Variants in GPC6 observed in about 807,000 individuals in gnomAD.
GPC6 encodes glypican-6.
Under a neutral mutation model 55.2 loss-of-function variants are expected in GPC6, and 14 were observed. That is an observed-to-expected ratio of 0.25 (90% confidence interval 0.17 to 0.40). The LOEUF (loss-of-function observed/expected upper bound fraction) is 0.40. Ranked by LOEUF, GPC6 falls within the 10% of genes least tolerant of loss-of-function variation. The pLI is 1.00. For synonymous variants in GPC6, 278 were observed against 259.6 expected (o/e 1.07, Z -0.68); for missense variants, 641 against 708.5 (o/e 0.90, Z 1.08).
At chr13:93,506,227 A>G (rs995678045) in intron 1 of GPC6, among the ~76,000 whole-genome samples, 3 of 152,180 alleles carry the variant, frequency 2.0e-5, no homozygotes, top group Non-Finnish European at 4.4e-5. Context: ...AAACCCACAG[A>G]ATGTATTCTA....
intron 1 of GPC6, among the ~76,000 whole-genome samples, chr13:93,537,784 A>T (rs1169940224): frequency 6.6e-6 from 1 of 152,136 alleles, no homozygotes; most frequent in Non-Finnish European, 1.5e-5. Context: ...TTGAGTTGTT[A>T]AGCATTTCCT....
intron 2 of GPC6, among the ~76,000 whole-genome samples, chr13:93,749,317 A>G (rs1884501114): frequency 6.6e-6 from 1 of 152,052 alleles, no homozygotes; most frequent in Non-Finnish European, 1.5e-5. Flanking sequence ...TTATAATTCT[A>G]TCTTACACTT....
In GPC6 at chr13:93,459,828, A is replaced by C. The variant is rs140854894; in HGVS notation, c.161-85435A>C. On this transcript the variant is annotated intron_variant, in intron 1 of 8. Transcript: ENST00000377047. The stretch of plus-strand genomic sequence containing the variant: ...AGAATTAGTGCTACTGGATTTTAAT[A>C]AGATATCAACACACTGCATTCTAGG... 3.4e-3 allele frequency among the ~76,000 whole-genome samples: 514 copies of C among 152,330 alleles called. 2 individuals are homozygous for C. Among genetic ancestry groups the C allele is most frequent in the Non-Finnish European group, 5.7e-3 (391 of 68,030 alleles).
At chr13:94,202,900 T>C (rs1167955958) in intron 4 of GPC6, among the ~76,000 whole-genome samples, 1 of 152,012 alleles carries the variant, frequency 6.6e-6, no homozygotes. Context: ...CATTTTCTAG[T>C]GCAATAGGAA....
At chr13:93,863,282 G>T (rs1888869233) in intron 3 of GPC6, among the ~76,000 whole-genome samples, 1 of 151,528 alleles carries the variant, frequency 6.6e-6, no homozygotes, top group Admixed American at 6.6e-5. Context: ...ATGAGCCATG[G>T]TTTCTCTCTC....
intron 1 of GPC6, among the ~76,000 whole-genome samples, chr13:93,530,812 G>C (rs1881838873): frequency 6.6e-6 from 1 of 152,086 alleles, no homozygotes; most frequent in South Asian, 2.1e-4. Flanking sequence ...CTACATAGAA[G>C]ACACTATGCA....
chr13:93,279,383 T>C (rs890344144), intron 1 of GPC6, among the ~76,000 whole-genome samples: 2 of 152,202 alleles, frequency 1.3e-5, no homozygotes, highest in East Asian at 1.9e-4. Context: ...ATATGTACAT[T>C]GGGTTTGGAA....
At chr13:93,478,258 C>G (rs1879375200) in intron 1 of GPC6, among the ~76,000 whole-genome samples, 1 of 152,156 alleles carries the variant, frequency 6.6e-6, no homozygotes, top group African/African-American at 2.4e-5. Context: ...TGGCCCAGGT[C>G]TCACAGCCAT....
chr13:93,886,763 T>G (rs529381305), intron 3 of GPC6, among the ~76,000 whole-genome samples: 5 of 149,888 alleles, frequency 3.3e-5, no homozygotes, highest in Admixed American at 2.1e-4. Context: ...TTTTTTTGTT[T>G]TTTTTTTTTT....
chr13:93,418,636 C>A (rs1354313981), intron 1 of GPC6, among the ~76,000 whole-genome samples: 1 of 150,624 alleles, frequency 6.6e-6, no homozygotes, highest in East Asian at 2.0e-4. Context: ...TAGCGCTATA[C>A]CGTAGTATCA....
At position 93,545,292 on chromosome 13, in the gene GPC6, T is replaced by A; in HGVS notation, c.190T>A (p.Tyr64Asn). The A allele has an allele frequency of 6.2e-7, 1 of 1,613,640 alleles. No homozygotes were observed. Among genetic ancestry groups the A allele is most frequent in the African/African-American group, 1.3e-5 (1 of 75,022 alleles). ...GEHLRICPQEYTCCTTEMEDK... is the reference protein window; with the variant it reads ...GEHLRICPQENTCCTTEMEDK... ...ACACTTAAGAATCTGTCCTCAGGAA[T>A]ATACATGCTGCACCACAGAAATGGA... is the stretch of plus-strand genomic sequence containing the variant. The change falls in exon 2 of 9, where the codon TAT becomes AAT. Residue 64 changes from tyrosine (Y) to asparagine (N), a missense_variant. By Grantham distance (143) the Tyr-to-Asn change is moderately radical. Transcript: ENST00000377047.
intron 4 of GPC6, among the ~76,000 whole-genome samples, chr13:94,056,637 A>G (rs908852756): frequency 2.0e-5 from 3 of 152,188 alleles, no homozygotes; most frequent in African/African-American, 7.2e-5. Context: ...AATCTTGTTA[A>G]GATACACAAA....
chr13:94,078,436 G>A (rs376079880), intron 4 of GPC6, among the ~76,000 whole-genome samples: 1 of 151,738 alleles, frequency 6.6e-6, no homozygotes, highest in African/African-American at 2.4e-5. Flanking sequence ...ATAGAGGTTG[G>A]AAGAATAATC....
Position 93,772,568 on chromosome 13 carries a change from G to A in GPC6, c.320-57586G>A, listed in dbSNP as rs569403462. Reference sequence around the variant, plus strand: ...AGGTGTACTTCAGAAATATTAAAAGGCGATATATACACAAGGAAGAGAAAC... The same window carrying A: ...AGGTGTACTTCAGAAATATTAAAAGACGATATATACACAAGGAAGAGAAAC... On this transcript the variant is annotated intron_variant, in intron 2 of 8. Coordinates refer to ENST00000377047, the MANE Select transcript of GPC6 (RefSeq NM_005708.5). Among the ~76,000 whole-genome samples the A allele has an allele frequency of 1.0e-3, 159 of 152,106 alleles. 1 individual carries two copies. The highest frequency in any genetic ancestry group is 2.1e-3 in the Non-Finnish European group (143 of 67,956).
At chr13:93,244,379 C>T (rs557352167) in intron 1 of GPC6, among the ~76,000 whole-genome samples, 21 of 152,348 alleles carry the variant, frequency 1.4e-4, no homozygotes, top group African/African-American at 4.8e-4. Context: ...GTTTGGCCCA[C>T]GAAGCAGGGG....
intron 2 of GPC6, among the ~76,000 whole-genome samples, chr13:93,820,169 AT>A (rs1158697715): frequency 6.6e-6 from 1 of 152,190 alleles, no homozygotes. Context: ...ATGACTTTTC[AT>A]TAAAAATTTC....
At chr13:93,926,731 G>A (rs544071773) in intron 3 of GPC6, among the ~76,000 whole-genome samples, 1 of 152,176 alleles carries the variant, frequency 6.6e-6, no homozygotes, top group Non-Finnish European at 1.5e-5. Context: ...GAAATGATAA[G>A]ATTCCCAGCT....
chr13:94,390,827 A>C (rs2139218098), intron 7 of GPC6, among the ~76,000 whole-genome samples: 1 of 152,242 alleles, frequency 6.6e-6, no homozygotes, highest in Middle Eastern at 3.4e-3. Context: ...AGGACCCCAT[A>C]AAGTCTTCCT....
intron 4 of GPC6, among the ~76,000 whole-genome samples, chr13:94,237,260 G>A (rs1890906416): frequency 2.0e-5 from 3 of 152,012 alleles, no homozygotes; most frequent in Admixed American, 1.3e-4. Flanking sequence ...GGCTTTTCAA[G>A]TGCCTGTTTT....
Sources: gnomAD v4.1 joint callset for allele counts (sites outside exome capture counted in the v4.1 genomes callset) on GRCh38, gnomAD v4.1.1 for gene constraint, MANE v1.5 for transcripts, NCBI Gene and HGNC (gene_info 2026-07-23, HGNC 2026-07-21) for gene names.